HTT: variants seen among roughly 807,000 people sequenced by gnomAD.
The protein encoded by HTT is huntington disease protein.
Under a neutral mutation model 362.3 loss-of-function variants are expected in HTT, and 104 were observed. That is an observed-to-expected ratio of 0.29 (90% CI 0.24 to 0.34). The LOEUF (loss-of-function observed/expected upper bound fraction) is 0.34. Among genes scored for constraint, HTT ranks in the 10% least tolerant of loss-of-function variants. The probability of loss-of-function intolerance (pLI) is 1.00; values close to 1 mark genes in which losing one functional copy is unlikely to be tolerated. For synonymous variants in HTT, 1,577 were observed against 1,548.7 expected (o/e 1.02, Z -0.43); for missense variants, 3,301 against 3,928.6 (o/e 0.84, Z 4.27).
intron 2 of HTT, among the ~76,000 whole-genome samples, chr4:3,097,910 A>G (rs1385097857): frequency 6.6e-6 from 1 of 152,234 alleles, no homozygotes; most frequent in Non-Finnish European, 1.5e-5. Context: ...AATCACAGGT[A>G]AAGGTTTTCT....
chr4:3,238,730 G>GGGGCCCCCCC, intron 65 of HTT, 88 bp from the exon 66 acceptor site: 4 of 1,097,040 alleles, frequency 3.6e-6, no homozygotes, highest in Non-Finnish European at 5.3e-6. Flanking sequence ...AATGCCTCTG[G>GGGGCCCCCCC]CCCCCACCCC....
At chr4:3,133,802 G>T (rs1441515280) in intron 18 of HTT, among the ~76,000 whole-genome samples, 1 of 152,188 alleles carries the variant, frequency 6.6e-6, no homozygotes, top group Admixed American at 6.5e-5. Flanking sequence ...ATGCCTGACA[G>T]TAATTTCTCT....
In HTT at chr4:3,218,123, C is replaced by T. The variant is rs190763619; in HGVS notation, c.7242+171C>T. On this transcript the variant is annotated intron_variant, in intron 52 of 66. Coordinates refer to ENST00000355072, the MANE Select transcript of HTT (RefSeq NM_001388492.1). This position sits in a 1 kb window ranked among gnomAD's most constrained non-coding sequence, Gnocchi z 4.4. ...GCCAGGCTGCTTTCCTCAGGCACCA[C>T]GTGTGGAGGTCGCTAGTAGAAATAC... Among the ~76,000 whole-genome samples, 6 of 152,214 alleles carry T rather than the reference C, an allele frequency of 3.9e-5. No homozygotes were observed. Among genetic ancestry groups the T allele is most frequent in the Non-Finnish European group, 7.3e-5 (5 of 68,040 alleles).
At chr4:3,212,775 G>T in intron 49 of HTT, 66 bp downstream of exon 49, 1 of 1,543,256 alleles carries the variant, frequency 6.5e-7, no homozygotes, top group Non-Finnish European at 8.9e-7. Flanking sequence ...ACTGAAGAGG[G>T]TAAAGCAGTT....
intron 27 of HTT, 23 bp from the exon 28 acceptor site, chr4:3,157,049 C>G: frequency 3.2e-6 from 5 of 1,566,610 alleles, no homozygotes; most frequent in Non-Finnish European, 4.3e-6. Context: ...AAAAGTTTAT[C>G]TTTTGTGTGC....
In HTT at chr4:3,154,415, T is replaced by A; in HGVS notation, c.3621T>A (p.Ser1207Arg). Residue 1207 changes from serine (S) to arginine (R), a missense_variant, in exon 27 of 67, where the codon AGT (serine) becomes AGA (arginine). By Grantham distance (110) the Ser-to-Arg change is moderately radical. Around this residue, in one of 4 missense-constraint regions of HTT, gnomAD observed 2,316 missense variants for 2,658.5 expected, o/e 0.87. Coordinates refer to ENST00000355072, the MANE Select transcript of HTT (RefSeq NM_001388492.1). ...PLSPKKGSEA[S>R]AASRQSDTSG... ...GTCCCAAGAAAGGCAGTGAGGCCAG[T>A]GCAGGTAGGAAACAGCGTGGGGAAG... 1.2e-6 allele frequency: 2 copies of A among 1,613,924 alleles called. No homozygotes were observed. Among genetic ancestry groups the A allele is most frequent in the Non-Finnish European group, 1.7e-6 (2 of 1,179,948 alleles).
At chr4:3,184,561 G>A (rs1198436231) in intron 37 of HTT, among the ~76,000 whole-genome samples, 4 of 152,176 alleles carry the variant, frequency 2.6e-5, no homozygotes, top group Admixed American at 6.5e-5. Context: ...AGGTTTGCTG[G>A]TGGCTTAGAT....
At chr4:3,191,347 G>C (rs1006096172) in intron 40 of HTT, among the ~76,000 whole-genome samples, 2 of 151,886 alleles carry the variant, frequency 1.3e-5, no homozygotes, top group Non-Finnish European at 2.9e-5. Context: ...CTAATTTTTT[G>C]TATTTTTAGT....
At chr4:3,178,879 GCTTT>G (rs1172803959) in intron 35 of HTT, among the ~76,000 whole-genome samples, 1 of 152,194 alleles carries the variant, frequency 6.6e-6, no homozygotes, top group African/African-American at 2.4e-5. Flanking sequence ...TGGGTTCAGG[GCTTT>G]CTGTTTTGCC....
At position 3,243,343 on chromosome 4, in the gene HTT, G is replaced by C. The variant is rs1319122701; in HGVS notation, c.*3284G>C. The C allele has an allele frequency of 6.6e-6, 1 of 152,542 alleles. No individual in the cohort carries two copies. Among genetic ancestry groups the C allele is most frequent in the Non-Finnish European group, 1.5e-5 (1 of 68,078 alleles). 9.4% of individuals were successfully genotyped at this position (152,542 alleles called of 1,614,324 possible). ...TTCCTCCCTCTGCGGGGAGGACCCG[G>C]GACCACAGCTGCTGGCCAGGGTAGA... On this transcript the variant is annotated 3_prime_UTR_variant, in exon 67 of 67. Transcript: ENST00000355072.
At chr4:3,166,979 G>C (rs1486904491) in intron 29 of HTT, among the ~76,000 whole-genome samples, 2 of 152,244 alleles carry the variant, frequency 1.3e-5, no homozygotes, top group Non-Finnish European at 2.9e-5. Flanking sequence ...AGATGAACTA[G>C]GTACCTCAGT....
chr4:3,166,861 TG>T (rs1449977495), intron 29 of HTT, among the ~76,000 whole-genome samples: 1 of 152,224 alleles, frequency 6.6e-6, no homozygotes, highest in Non-Finnish European at 1.5e-5. Flanking sequence ...TCCTTTGGCT[TG>T]GAAAGGGAAG....
Position 3,240,093 on chromosome 4 carries a change from TG to T in HTT, c.*38del. 1 of 1,529,488 alleles carries T rather than the reference TG, an allele frequency of 6.5e-7. No individual in the cohort carries two copies. The highest frequency in any genetic ancestry group is 8.9e-7 in the Non-Finnish European group (1 of 1,125,442). The allele number at this position is 1,529,488 out of a possible 1,614,324, so 94.7% of individuals were successfully genotyped here. A position where few individuals can be genotyped will look rare whatever the true frequency, so the allele number is the denominator to read the frequency against. On this transcript the variant is annotated 3_prime_UTR_variant, in exon 67 of 67. Transcript: ENST00000355072. ...GTGGGAGAGACTGTGAGGCGGCAGC[TG>T]GGGCCGGAGCCTTTGGAAGTCTGCG... is the stretch of plus-strand genomic sequence containing the variant.
rs939735016 is a variant in HTT, at chr4:3,243,097, A to C, written c.*3038A>C. 1.3e-5 allele frequency: 2 copies of C among 152,600 alleles called. No individual in the cohort carries two copies. Among genetic ancestry groups the C allele is most frequent in the Non-Finnish European group, 2.9e-5 (2 of 68,042 alleles). 9.5% of individuals were successfully genotyped at this position (152,600 alleles called of 1,614,324 possible). A position where few individuals can be genotyped will look rare whatever the true frequency, so the allele number is the denominator to read the frequency against. On this transcript the variant is annotated 3_prime_UTR_variant, in exon 67 of 67. Transcript: ENST00000355072. ...TTCAGAGCCCTCGGAGCCAATGAAC[A>C]GCTCCTCCTCTTGGAGCTGAGATGA...
intron 29 of HTT, among the ~76,000 whole-genome samples, chr4:3,169,863 C>T (rs984756011): frequency 2.6e-5 from 4 of 152,176 alleles, no homozygotes; most frequent in South Asian, 4.2e-4. Flanking sequence ...CATGAGCCAC[C>T]GTGTCTGGCC....
At chr4:3,140,121 C>T (rs1025069429) in intron 21 of HTT, among the ~76,000 whole-genome samples, 4 of 151,978 alleles carry the variant, frequency 2.6e-5, no homozygotes, top group Non-Finnish European at 4.4e-5. Flanking sequence ...ATTAGCCGGG[C>T]GCGGTGGCAG....
chr4:3,173,277 G>T, intron 31 of HTT, 146 bp downstream of exon 31: 6 of 665,272 alleles, frequency 9.0e-6, no homozygotes, highest in Middle Eastern at 4.1e-4. Context: ...GATATATATG[G>T]TTGATGCAAA....
At position 3,188,930 on chromosome 4, in the gene HTT, A is replaced by G. The variant is rs769754746; in HGVS notation, c.5226-21A>G. 6.8e-6 allele frequency: 11 copies of G among 1,612,586 alleles called. No individual in the cohort carries two copies. In the South Asian group the frequency reaches 1.2e-4, roughly 18 times the overall value. On this transcript the variant is annotated intron_variant, in intron 39 of 66. Transcript: ENST00000355072. ...TATAGTAGTCACCTAATTCACTGTC[A>G]TCTTTTTTGTTTCTTGGAAGGTTTC...
intron 25 of HTT, among the ~76,000 whole-genome samples, chr4:3,147,331 G>C (rs1716656069): frequency 6.6e-6 from 1 of 152,162 alleles, no homozygotes; most frequent in Admixed American, 6.5e-5. Flanking sequence ...AAAGTGCAGT[G>C]GTCACACAGA....
Sources: gnomAD v4.1 joint callset for allele counts (sites outside exome capture counted in the v4.1 genomes callset) on GRCh38, gnomAD v4.1.1 for gene constraint, gnomAD v4.1.1 regional missense constraint, Gnocchi (gnomAD v3.1) non-coding constraint, MANE v1.5 for transcripts, NCBI Gene and HGNC (gene_info 2026-07-23, HGNC 2026-07-21) for gene names.